The following KCNMB2 variants were observed in gnomAD, a reference collection of about 807,000 sequenced individuals.
KCNMB2 encodes calcium-activated potassium channel subunit beta-2.
KCNMB2 carries 9 observed loss-of-function variants against 24.5 expected under a neutral mutation model. The observed-to-expected ratio is 0.37, with a 90% CI of 0.22 to 0.64. The LOEUF (loss-of-function observed/expected upper bound fraction) is 0.64. Ranked by LOEUF, KCNMB2 falls within the 30% of genes least tolerant of loss-of-function variation. The pLI is 0.63. For synonymous variants in KCNMB2, 109 were observed against 104.4 expected (o/e 1.04, Z -0.27); for missense variants, 226 against 284.3 (o/e 0.79, Z 1.47).
intron 1 of KCNMB2, among the ~76,000 whole-genome samples, chr3:178,545,499 A>G (rs984580072): frequency 3.3e-5 from 5 of 152,228 alleles, no homozygotes; most frequent in African/African-American, 9.6e-5. Flanking sequence ...AGCAATTCAA[A>G]TGCAAATCTA....
chr3:178,618,151 A>T (rs1718782676), intron 1 of KCNMB2, among the ~76,000 whole-genome samples: 1 of 152,154 alleles, frequency 6.6e-6, no homozygotes, highest in Non-Finnish European at 1.5e-5. Context: ...TTATGGTTCC[A>T]CAAGCTCAAA....
intron 1 of KCNMB2, among the ~76,000 whole-genome samples, chr3:178,573,310 G>A (rs1042379866): frequency 6.6e-6 from 1 of 152,070 alleles, no homozygotes; most frequent in African/African-American, 2.4e-5. Flanking sequence ...CACCTGGCCA[G>A]AAATATTCTA....
chr3:178,714,782 G>A lies in KCNMB2; in HGVS notation c.-67-92561G>A, dbSNP rs149274793. 6.0e-3 allele frequency among the ~76,000 whole-genome samples: 909 copies of A among 152,108 alleles called. 13 individuals carry two copies. Among genetic ancestry groups the A allele is most frequent in the African/African-American group, 0.02 (843 of 41,552 alleles). ...TGGGAAAATCTAATGTTCGTCAGCC[G>A]TTGGCAAAGCTTCTGCCCTTGAGGC... On this transcript the variant is annotated intron_variant, in intron 1 of 4. Coordinates refer to ENST00000452583, the MANE Select transcript of KCNMB2 (RefSeq NM_181361.3).
chr3:178,541,877 A>T (rs1715630186), intron 1 of KCNMB2, among the ~76,000 whole-genome samples: 3 of 152,068 alleles, frequency 2.0e-5, no homozygotes, highest in Admixed American at 2.0e-4. Context: ...CTACACCCTG[A>T]CTCAGTCCGA....
At chr3:178,793,356 G>A (rs1293183038) in intron 1 of KCNMB2, among the ~76,000 whole-genome samples, 2 of 152,156 alleles carry the variant, frequency 1.3e-5, no homozygotes, top group African/African-American at 4.8e-5. Context: ...GTTCTAAAAC[G>A]TGACAAGAAT....
intron 1 of KCNMB2, among the ~76,000 whole-genome samples, chr3:178,551,286 C>T (rs1296807635): frequency 6.6e-6 from 1 of 152,208 alleles, no homozygotes; most frequent in African/African-American, 2.4e-5. Flanking sequence ...TCACTCTAAA[C>T]TTATCTCCTA....
At chr3:178,736,309 A>C (rs1277271977) in intron 1 of KCNMB2, among the ~76,000 whole-genome samples, 1 of 152,212 alleles carries the variant, frequency 6.6e-6, no homozygotes, top group Non-Finnish European at 1.5e-5. Flanking sequence ...GGGTTAATTA[A>C]CCATTTAAAT....
intron 1 of KCNMB2, among the ~76,000 whole-genome samples, chr3:178,753,283 A>G (rs1344102743): frequency 6.6e-6 from 1 of 152,212 alleles, no homozygotes; most frequent in Non-Finnish European, 1.5e-5. Context: ...GACCTCATTT[A>G]CCACGGGAGG....
At chr3:178,624,520 T>C (rs184969196) in intron 1 of KCNMB2, among the ~76,000 whole-genome samples, 13 of 152,178 alleles carry the variant, frequency 8.5e-5, no homozygotes, top group African/African-American at 2.6e-4. Flanking sequence ...TTGACCTCTA[T>C]GTTAGTAATT....
chr3:178,797,397 T>C (rs1560025609), intron 1 of KCNMB2, among the ~76,000 whole-genome samples: 1 of 152,064 alleles, frequency 6.6e-6, no homozygotes, highest in Non-Finnish European at 1.5e-5. Context: ...AGACCATTAT[T>C]ACCCAGACAC....
chr3:178,582,813 A>G (rs1429361660), intron 1 of KCNMB2, among the ~76,000 whole-genome samples: 1 of 152,194 alleles, frequency 6.6e-6, no homozygotes, highest in East Asian at 1.9e-4. Flanking sequence ...ATTTATATGA[A>G]AAAATAATAA....
chr3:178,602,323 A>AT (rs1223449041), intron 1 of KCNMB2, among the ~76,000 whole-genome samples: 1 of 151,856 alleles, frequency 6.6e-6, no homozygotes, highest in African/African-American at 2.4e-5. Context: ...ATATATATCG[A>AT]TTTTTTTTGG....
chr3:178,739,353 T>A (rs1190222778), intron 1 of KCNMB2, among the ~76,000 whole-genome samples: 1 of 152,240 alleles, frequency 6.6e-6, no homozygotes, highest in African/African-American at 2.4e-5. Flanking sequence ...GCCATTATCA[T>A]ATAGCCATGG....
At chr3:178,736,842 C>A (rs1203384718) in intron 1 of KCNMB2, among the ~76,000 whole-genome samples, 1 of 152,058 alleles carries the variant, frequency 6.6e-6, no homozygotes, top group East Asian at 1.9e-4. Flanking sequence ...GTGAAATGTC[C>A]CTGGTCAGGT....
chr3:178,653,466 T>C (rs1720205447), intron 1 of KCNMB2, among the ~76,000 whole-genome samples: 1 of 152,078 alleles, frequency 6.6e-6, no homozygotes, highest in South Asian at 2.1e-4. Flanking sequence ...CTGTACCAAA[T>C]AGTAGTAAAG....
chr3:178,823,787 C>G (rs1714725979), intron 2 of KCNMB2, among the ~76,000 whole-genome samples: 1 of 152,130 alleles, frequency 6.6e-6, no homozygotes, highest in Non-Finnish European at 1.5e-5. Flanking sequence ...TATCTTCCCT[C>G]CCCCGCAAAG....
intron 1 of KCNMB2, among the ~76,000 whole-genome samples, chr3:178,603,279 C>G (rs143075705): frequency 6.6e-6 from 1 of 151,842 alleles, no homozygotes; most frequent in Non-Finnish European, 1.5e-5. Flanking sequence ...TTACACAAAG[C>G]AGGTAGTTAA....
rs1034104366 is a variant in KCNMB2, at chr3:178,819,268, C to T, written c.57-6320C>T. ...TCATCAGTCATTTTGATGAATTTAT[C>T]GAATTTAGCTATATACCACAAATTT... is the stretch of plus-strand genomic sequence containing the variant. On this transcript the variant is annotated intron_variant, in intron 2 of 4. Coordinates refer to ENST00000452583, the MANE Select transcript of KCNMB2 (RefSeq NM_181361.3). Among the ~76,000 whole-genome samples, 12 of 152,096 alleles carry T rather than the reference C, an allele frequency of 7.9e-5. 1 individual carries two copies. The highest frequency in any genetic ancestry group is 1.5e-4 in the Non-Finnish European group (10 of 68,034).
chr3:178,556,687 A>G lies in KCNMB2; in HGVS notation c.-68+19976A>G, dbSNP rs532637161. On this transcript the variant is annotated intron_variant, in intron 1 of 4. Coordinates refer to ENST00000452583, the MANE Select transcript of KCNMB2 (RefSeq NM_181361.3). ...CCCAAAGTGCTGGGATTACAGGTGT[A>G]AGCCACCTCGCCCTGCCGACACATA... 1.6e-4 allele frequency among the ~76,000 whole-genome samples: 24 copies of G among 152,192 alleles called. No individual in the cohort carries two copies. The East Asian group carries it at 3.9e-3, about 25-fold the overall frequency.
Sources: allele counts gnomAD v4.1 joint callset (sites outside exome capture counted in the v4.1 genomes callset), GRCh38; gene constraint gnomAD v4.1.1; transcripts MANE v1.5; gene names NCBI Gene and HGNC (gene_info 2026-07-23, HGNC 2026-07-21).